CHAT: variants seen among roughly 807,000 people sequenced by gnomAD.
CHAT encodes the protein choline O-acetyltransferase.
CHAT carries 61 observed loss-of-function variants against 76.9 expected under a neutral mutation model. The ratio of observed to expected loss-of-function variants is 0.79; its 90% CI spans 0.65 to 0.98. The LOEUF is 0.98. CHAT is among the 50% of genes least tolerant of loss of function. CHAT has a pLI of 0.00. For synonymous variants in CHAT, 407 were observed against 397.4 expected, an observed-to-expected ratio of 1.02 and a Z score of -0.29; for missense variants, 946 against 986.9, an observed-to-expected ratio of 0.96 and a Z score of 0.56.
chr10:49,641,840 T>C (rs956582648), intron 7 of CHAT, among the ~76,000 whole-genome samples: 1 of 152,032 alleles, frequency 6.6e-6, no homozygotes, highest in Non-Finnish European at 1.5e-5. Context: ...CCAAAGAGGG[T>C]GGTATATGTC....
rs1840346322 is a variant in CHAT, at chr10:49,666,633, T to C, written c.*1587T>C. Among the ~76,000 whole-genome samples the C allele has an allele frequency of 6.6e-6, 1 of 152,296 alleles. No individual in the cohort carries two copies. Among genetic ancestry groups the C allele is most frequent in the African/African-American group, 2.4e-5 (1 of 41,550 alleles). ...GGTGGGGTGGGCATTTGACCTTTGC[T>C]CAGCTCTTTGAAAACACAAGCAGCC... On this transcript the variant is annotated 3_prime_UTR_variant, in exon 15 of 15. Coordinates refer to ENST00000337653, the MANE Select transcript of CHAT (RefSeq NM_020549.5).
At chr10:49,636,842 G>C (rs1839309519) in intron 7 of CHAT, among the ~76,000 whole-genome samples, 1 of 152,102 alleles carries the variant, frequency 6.6e-6, no homozygotes, top group African/African-American at 2.4e-5. Context: ...TAATTATAGG[G>C]CTATTCAAAT....
At chr10:49,657,915 C>T (rs1200762790) in intron 13 of CHAT, among the ~76,000 whole-genome samples, 3 of 152,232 alleles carry the variant, frequency 2.0e-5, no homozygotes, top group African/African-American at 7.2e-5. Flanking sequence ...ACTGTAAGGA[C>T]AGTGAAGCCC....
rs2132862817 is a variant in CHAT at position 49,666,576 on chromosome 10, C to T, written c.*1530C>T. Among the ~76,000 whole-genome samples, 1 of 152,338 alleles carries T rather than the reference C, an allele frequency of 6.6e-6. No homozygotes were observed. Among genetic ancestry groups the T allele is most frequent in the East Asian group, 1.9e-4 (1 of 5,182 alleles). On this transcript the variant is annotated 3_prime_UTR_variant, in exon 15 of 15. Transcript: ENST00000337653. ...TTTGTGCCACTGTGAAGGCTCTCCA[C>T]ACTTCGACCTGGACTGTCACAGGCT...
chr10:49,620,354 C>A, intron 3 of CHAT, 141 bp from the exon 4 acceptor site: 1 of 745,928 alleles, frequency 1.3e-6, no homozygotes, highest in South Asian at 1.4e-5. Flanking sequence ...CTGGGAAGCT[C>A]CTGGCACATA....
At chr10:49,663,244 GGAA>G (rs1195546431) in intron 14 of CHAT, among the ~76,000 whole-genome samples, 6 of 152,058 alleles carry the variant, frequency 3.9e-5, no homozygotes, top group Non-Finnish European at 7.4e-5. Flanking sequence ...AAAGAAAAAA[GGAA>G]GAAGAAGGTT....
intron 7 of CHAT, among the ~76,000 whole-genome samples, chr10:49,631,325 C>T (rs535235497): frequency 1.3e-5 from 2 of 152,214 alleles, no homozygotes; most frequent in Admixed American, 6.5e-5. Flanking sequence ...GCCACCTTCT[C>T]TGTGTGTCTT....
At chr10:49,633,396 G>A (rs1839190243) in intron 7 of CHAT, among the ~76,000 whole-genome samples, 1 of 152,164 alleles carries the variant, frequency 6.6e-6, no homozygotes, top group African/African-American at 2.4e-5. Context: ...CACCTGCGAG[G>A]TGGGATTTTA....
chr10:49,651,206 G>A (rs1174375635), intron 10 of CHAT, among the ~76,000 whole-genome samples: 3 of 151,930 alleles, frequency 2.0e-5, no homozygotes, highest in South Asian at 2.1e-4. Flanking sequence ...TCTAAGGAGC[G>A]AGTACTCATG....
chr10:49,614,645 T>C (rs895518244), intron 1 of CHAT, among the ~76,000 whole-genome samples, 170 bp downstream of exon 1: 1 of 152,142 alleles, frequency 6.6e-6, no homozygotes, highest in African/African-American at 2.4e-5. Flanking sequence ...AGCTGCAGGA[T>C]TGCGTTGCTT....
intron 7 of CHAT, among the ~76,000 whole-genome samples, chr10:49,640,240 C>T (rs1035513727): frequency 7.2e-5 from 11 of 152,002 alleles, no homozygotes; most frequent in Admixed American, 6.5e-5. Flanking sequence ...GGTGTGATGT[C>T]GGCTCAATGC....
intron 7 of CHAT, among the ~76,000 whole-genome samples, chr10:49,631,387 T>A (rs1410981737): frequency 6.6e-6 from 1 of 152,204 alleles, no homozygotes; most frequent in Non-Finnish European, 1.5e-5. Context: ...TCTTATAAGG[T>A]GACCAGTCAT....
In CHAT at chr10:49,655,252, C is replaced by T. The variant is rs774612577; in HGVS notation, c.1776+16C>T. 6 of 1,614,020 alleles carry T rather than the reference C, an allele frequency of 3.7e-6. No individual in the cohort carries two copies. Among genetic ancestry groups the T allele is most frequent in the Non-Finnish European group, 5.1e-6 (6 of 1,180,042 alleles). ...TGCTGTGCCAGTAAGTCCCGCCCCA[C>T]CCCACGGCCACAGGAAACCAGTGAG... On this transcript the variant is annotated intron_variant, in intron 12 of 14. Coordinates refer to ENST00000337653, the MANE Select transcript of CHAT (RefSeq NM_020549.5).
intron 2 of CHAT, among the ~76,000 whole-genome samples, chr10:49,618,606 G>A (rs887182449): frequency 6.6e-6 from 1 of 152,150 alleles, no homozygotes; most frequent in Non-Finnish European, 1.5e-5. Context: ...ATGTGACCTT[G>A]GACCAGCTGC....
chr10:49,631,112 G>C (rs2132746718), intron 7 of CHAT, among the ~76,000 whole-genome samples: 1 of 152,324 alleles, frequency 6.6e-6, no homozygotes, highest in Non-Finnish European at 1.5e-5. Context: ...AACTGGTAGG[G>C]ACGGTGAAGG....
intron 10 of CHAT, 96 bp downstream of exon 10, chr10:49,649,732 C>A: frequency 2.9e-6 from 4 of 1,363,026 alleles, no homozygotes; most frequent in Non-Finnish European, 4.2e-6. Flanking sequence ...TCCAAAGACC[C>A]CAGCTCCTCT....
At chr10:49,610,466 G>A, upstream of CHAT, 2 of 387,228 alleles carry the variant, frequency 5.2e-6, no homozygotes, top group Non-Finnish European at 9.1e-6. Context: ...CCAGTCTCCG[G>A]CCCCGGCCCC....
chr10:49,613,911 G>A (rs1838371562), upstream of CHAT: 2 of 569,972 alleles, frequency 3.5e-6, no homozygotes, highest in Non-Finnish European at 6.3e-6. Flanking sequence ...CAGGGTTTGA[G>A]ACTGGCCTGG....
rs376011369 is a variant in CHAT at position 49,619,651 on chromosome 10, A to G, written c.388-74A>G. 3.1e-3 allele frequency: 4,474 copies of G among 1,434,702 alleles called. 22 individuals are homozygous for G. The highest frequency in any genetic ancestry group is 0.01 in the Middle Eastern group (42 of 4,098). 88.9% of individuals were successfully genotyped at this position (1,434,702 alleles called of 1,614,324 possible). A position where few individuals can be genotyped will look rare whatever the true frequency, so the allele number is the denominator to read the frequency against. ...AACACAGGGGCAGAACAATACAGAT[A>G]CTAGGGACCAACTTGGGGACAGGCA... On this transcript the variant is annotated intron_variant, in intron 2 of 14. Coordinates refer to ENST00000337653, the MANE Select transcript of CHAT (RefSeq NM_020549.5).
Sources: gnomAD v4.1 joint callset for allele counts (sites outside exome capture counted in the v4.1 genomes callset) on GRCh38, gnomAD v4.1.1 for gene constraint, MANE v1.5 for transcripts, NCBI Gene and HGNC (gene_info 2026-07-23, HGNC 2026-07-21) for gene names.